SMAP1: variants seen among roughly 807,000 people sequenced by gnomAD.
SMAP1 encodes the protein stromal membrane-associated protein 1.
In SMAP1, 24 loss-of-function variants were observed where a neutral mutation model predicts 58.5. The ratio of observed to expected loss-of-function variants is 0.41; its 90% CI spans 0.30 to 0.58. SMAP1 has a LOEUF of 0.58. SMAP1 is among the 20% of genes least tolerant of loss of function. The pLI, the probability that SMAP1 is intolerant of heterozygous loss-of-function variation, is 0.29. For synonymous variants in SMAP1, 216 were observed against 196.6 expected (o/e 1.10, Z -0.82); for missense variants, 563 against 566.3 (o/e 0.99, Z 0.06).
intron 2 of SMAP1, among the ~76,000 whole-genome samples, chr6:70,752,641 G>A (rs987090259): frequency 3.3e-5 from 5 of 151,524 alleles, no homozygotes; most frequent in Non-Finnish European, 7.4e-5. Flanking sequence ...ATTCTTTATC[G>A]CCTCCCCAAA....
At chr6:70,842,189 A>G (rs1245391571) in intron 7 of SMAP1, among the ~76,000 whole-genome samples, 1 of 149,086 alleles carries the variant, frequency 6.7e-6, no homozygotes, top group Non-Finnish European at 1.5e-5. Context: ...TAGTCAAGTT[A>G]TGTTTTTCAG....
At chr6:70,815,531 G>A (rs1386485746) in intron 6 of SMAP1, among the ~76,000 whole-genome samples, 1 of 151,926 alleles carries the variant, frequency 6.6e-6, no homozygotes, top group East Asian at 1.9e-4. Context: ...TTTTTTTGGC[G>A]GGGGGAGTGG....
intron 7 of SMAP1, among the ~76,000 whole-genome samples, chr6:70,843,595 G>A (rs1452050163): frequency 1.3e-5 from 2 of 152,194 alleles, no homozygotes; most frequent in African/African-American, 2.4e-5. Flanking sequence ...TTAACACTAT[G>A]TTGAGCTGTG....
chr6:70,672,937 T>G (rs571108986), intron 1 of SMAP1, among the ~76,000 whole-genome samples: 1 of 151,996 alleles, frequency 6.6e-6, no homozygotes, highest in African/African-American at 2.4e-5. Flanking sequence ...CTAGATAAGC[T>G]TTCTTTAAGC....
At chr6:70,812,071 T>A (rs1258922226) in intron 6 of SMAP1, among the ~76,000 whole-genome samples, 1 of 152,202 alleles carries the variant, frequency 6.6e-6, no homozygotes. Context: ...ATGAATTGCT[T>A]ATTTTTGGAA....
At chr6:70,675,829 G>C (rs922707924) in intron 1 of SMAP1, among the ~76,000 whole-genome samples, 4 of 152,086 alleles carry the variant, frequency 2.6e-5, no homozygotes, top group Non-Finnish European at 5.9e-5. Flanking sequence ...CATCTGAGGG[G>C]AATCTTGGGG....
At chr6:70,707,401 A>G (rs1010243008) in intron 1 of SMAP1, among the ~76,000 whole-genome samples, 2 of 152,124 alleles carry the variant, frequency 1.3e-5, no homozygotes, top group African/African-American at 4.8e-5. Context: ...GGCAAAATTG[A>G]TGTATGTTGA....
intron 3 of SMAP1, among the ~76,000 whole-genome samples, chr6:70,763,130 T>TTTTTAC (rs1554198497): frequency 5.8e-5 from 8 of 138,740 alleles, no homozygotes; most frequent in Non-Finnish European, 1.2e-4. Flanking sequence ...TTTTTTTTTT[T>TTTTTAC]ACGAATTGAA....
chr6:70,842,233 CCTCTG>C (rs1770831658), intron 7 of SMAP1, among the ~76,000 whole-genome samples: 1 of 152,156 alleles, frequency 6.6e-6, no homozygotes, highest in East Asian at 1.9e-4. Flanking sequence ...ACTTGTATTG[CCTCTG>C]CTCAGAAAAG....
chr6:70,732,605 T>A, intron 2 of SMAP1, 94 bp downstream of exon 2: 1 of 1,138,274 alleles, frequency 8.8e-7, no homozygotes, highest in Non-Finnish European at 1.1e-6. Flanking sequence ...CATTGAAAAG[T>A]AGTTTTGTAT....
At chr6:70,837,295 G>T (rs922418752) in intron 7 of SMAP1, among the ~76,000 whole-genome samples, 1 of 152,162 alleles carries the variant, frequency 6.6e-6, no homozygotes, top group African/African-American at 2.4e-5. Context: ...AGGCTTGCTG[G>T]ATGTGACATT....
chr6:70,814,183 A>G (rs892743608), intron 6 of SMAP1, among the ~76,000 whole-genome samples: 1 of 152,160 alleles, frequency 6.6e-6, no homozygotes, highest in Non-Finnish European at 1.5e-5. Context: ...TCCTAGGTTT[A>G]TGGCCTCCTA....
intron 1 of SMAP1, among the ~76,000 whole-genome samples, chr6:70,691,452 A>G (rs532096944): frequency 4.6e-5 from 7 of 152,332 alleles, no homozygotes; most frequent in Non-Finnish European, 8.8e-5. Context: ...TTTATGTTAC[A>G]AACATTACAG....
At chr6:70,795,405 G>A (rs1007709555) in intron 5 of SMAP1, among the ~76,000 whole-genome samples, 1 of 152,172 alleles carries the variant, frequency 6.6e-6, no homozygotes, top group African/African-American at 2.4e-5. Flanking sequence ...AGTTCTGGAG[G>A]CTGGAAAGAC....
chr6:70,703,518 T>G (rs1767721317), intron 1 of SMAP1, among the ~76,000 whole-genome samples: 1 of 152,248 alleles, frequency 6.6e-6, no homozygotes, highest in Non-Finnish European at 1.5e-5. Context: ...GCTTTTAAGC[T>G]TTACTAGGTG....
chr6:70,739,573 T>G (rs1260867816), intron 2 of SMAP1, among the ~76,000 whole-genome samples: 1 of 152,148 alleles, frequency 6.6e-6, no homozygotes, highest in Non-Finnish European at 1.5e-5. Flanking sequence ...TACCTACATA[T>G]GGTATGCTTC....
At chr6:70,679,474 T>G (rs1439913077) in intron 1 of SMAP1, among the ~76,000 whole-genome samples, 2 of 152,220 alleles carry the variant, frequency 1.3e-5, no homozygotes, top group Non-Finnish European at 2.9e-5. Flanking sequence ...GGATCATTTA[T>G]GTAGGAAATC....
chr6:70,706,734 C>A (rs1248218444), intron 1 of SMAP1, among the ~76,000 whole-genome samples: 2 of 152,080 alleles, frequency 1.3e-5, no homozygotes, highest in African/African-American at 2.4e-5. Flanking sequence ...TCTATTAATC[C>A]AAATTAAGAT....
At chr6:70,730,934 G>T (rs1207084721) in intron 1 of SMAP1, among the ~76,000 whole-genome samples, 1 of 152,150 alleles carries the variant, frequency 6.6e-6, no homozygotes, top group Non-Finnish European at 1.5e-5. Context: ...TGAGGAGCTG[G>T]TATTACAGGC....
Sources: gnomAD v4.1 joint callset for allele counts (sites outside exome capture counted in the v4.1 genomes callset) on GRCh38, gnomAD v4.1.1 for gene constraint, MANE v1.5 for transcripts, NCBI Gene and HGNC (gene_info 2026-07-23, HGNC 2026-07-21) for gene names.